Variants in DNAH7 observed in about 807,000 individuals in gnomAD.
DNAH7 encodes axonemal beta dynein heavy chain 7.
DNAH7 carries 397 observed loss-of-function variants against 444.6 expected under a neutral mutation model. The ratio of observed to expected loss-of-function variants is 0.89; its 90% confidence interval spans 0.82 to 0.97. DNAH7 has a LOEUF of 0.97. Among genes scored for constraint, DNAH7 ranks in the 50% least tolerant of loss-of-function variants. The probability of loss-of-function intolerance (pLI) is 0.00; values close to 1 mark genes in which losing one functional copy is unlikely to be tolerated. For missense variants in DNAH7, 4,902 were observed against 4,800.8 expected (o/e 1.02, Z -0.62); for synonymous variants, 1,636 against 1,624.4 (o/e 1.01, Z -0.17).
Position 195,754,423 on chromosome 2 carries a change from G to A in DNAH7, c.11678C>T (p.Ala3893Val). 6.2e-7 allele frequency: 1 copy of A among 1,614,004 alleles called. No homozygotes were observed. Among genetic ancestry groups the A allele is most frequent in the Non-Finnish European group, 8.5e-7 (1 of 1,179,958 alleles). The change falls in exon 63 of 65, where the codon GCC becomes GTC. Residue 3893 changes from alanine (A) to valine (V), a missense_variant. Ala to Val is a moderately conservative substitution (Grantham distance 64, BLOSUM62 0). Transcript: ENST00000312428. ...ATCAATAGGAATTGTGTATTTCCTG[G>A]CGTAGTTCTGCTGGGCACCGGTCAG... ...AFLTGAQQNY[A>V]RKYTIPIDLL...
intron 31 of DNAH7, among the ~76,000 whole-genome samples, chr2:195,890,583 G>A (rs1359104308): frequency 6.6e-6 from 1 of 152,134 alleles, no homozygotes; most frequent in Admixed American, 6.5e-5. Context: ...GAGCCAGAGT[G>A]CCTCCATTGT....
chr2:195,875,093 TAC>T (rs1001146491), intron 38 of DNAH7, among the ~76,000 whole-genome samples: 12 of 152,226 alleles, frequency 7.9e-5, no homozygotes, highest in African/African-American at 2.2e-4. Context: ...AAATTTCCTC[TAC>T]ACAGAGATTC....
chr2:195,846,105 T>G (rs552573048), intron 46 of DNAH7, among the ~76,000 whole-genome samples: 1 of 152,190 alleles, frequency 6.6e-6, no homozygotes. Flanking sequence ...TTGCAAACTA[T>G]GCATCTGACA....
chr2:195,911,234 T>C (rs1273787458), intron 24 of DNAH7, among the ~76,000 whole-genome samples: 2 of 152,082 alleles, frequency 1.3e-5, no homozygotes, highest in African/African-American at 4.8e-5. Context: ...TATAAAGCAA[T>C]AGACATCAAA....
At chr2:195,941,985 G>T (rs572621126) in intron 19 of DNAH7, among the ~76,000 whole-genome samples, 47 of 152,112 alleles carry the variant, frequency 3.1e-4, no homozygotes, top group African/African-American at 1.1e-3. Flanking sequence ...TTTACCAAGG[G>T]CTAATACACG....
chr2:195,994,709 G>C (rs984871799), intron 12 of DNAH7: 7 of 497,572 alleles, frequency 1.4e-5, no homozygotes, highest in Non-Finnish European at 2.8e-5. Flanking sequence ...ATAACCATTT[G>C]GTCTTTAAGA....
chr2:195,926,863 T>A (rs1163788765), intron 21 of DNAH7, among the ~76,000 whole-genome samples: 1 of 152,080 alleles, frequency 6.6e-6, no homozygotes, highest in Non-Finnish European at 1.5e-5. Context: ...ACATCCTAGA[T>A]ACATTTGGAT....
At chr2:195,748,369 A>G (rs1693558247) in intron 63 of DNAH7, among the ~76,000 whole-genome samples, 1 of 152,228 alleles carries the variant, frequency 6.6e-6, no homozygotes, top group South Asian at 2.1e-4. Context: ...TTCCATGCTC[A>G]TGGGTAGGAA....
intron 19 of DNAH7, among the ~76,000 whole-genome samples, chr2:195,939,404 A>G (rs1218022975): frequency 6.6e-6 from 1 of 152,150 alleles, no homozygotes; most frequent in Non-Finnish European, 1.5e-5. Context: ...TCACCATTCC[A>G]TGTTGAGTGC....
intron 1 of DNAH7, among the ~76,000 whole-genome samples, chr2:196,061,470 A>C (rs1698130350): frequency 6.6e-6 from 1 of 152,138 alleles, no homozygotes; most frequent in Non-Finnish European, 1.5e-5. Flanking sequence ...CCCTACCAGA[A>C]CTTCCCCATA....
At chr2:195,805,012 T>C (rs1456680012) in intron 54 of DNAH7, among the ~76,000 whole-genome samples, 1 of 151,826 alleles carries the variant, frequency 6.6e-6, no homozygotes, top group African/African-American at 2.4e-5. Context: ...AACCAACCTG[T>C]CCCCCACCAA....
At chr2:195,780,586 T>C (rs961245780) in intron 58 of DNAH7, among the ~76,000 whole-genome samples, 4 of 151,858 alleles carry the variant, frequency 2.6e-5, no homozygotes, top group Non-Finnish European at 5.9e-5. Flanking sequence ...CCATCTCTAC[T>C]AAAAATACAA....
chr2:195,793,397 C>CTACATTTG (rs1418780333), intron 57 of DNAH7, among the ~76,000 whole-genome samples: 1 of 152,196 alleles, frequency 6.6e-6, no homozygotes, highest in Middle Eastern at 3.2e-3. Flanking sequence ...ATGTAGGTGA[C>CTACATTTG]TACTGCTGGA....
rs1210971339 is a variant in DNAH7 at position 195,737,763 on chromosome 2, A to ATATT, written c.*154_*157dup. 2 of 625,074 alleles carry ATATT rather than the reference A, an allele frequency of 3.2e-6. No homozygotes were observed. Among genetic ancestry groups the ATATT allele is most frequent in the African/African-American group, 3.7e-5 (2 of 54,362 alleles). The allele number at this position is 625,074 out of a possible 1,614,324, so 38.7% of individuals were successfully genotyped here. A position where few individuals can be genotyped will look rare whatever the true frequency, so the allele number is the denominator to read the frequency against. On this transcript the variant is annotated 3_prime_UTR_variant, in exon 65 of 65. Coordinates refer to ENST00000312428, the MANE Select transcript of DNAH7 (RefSeq NM_018897.3). ...ATTTCCTTACATTTAAGTATGAGTCATATTAAGTTTAGCTGCATTTGCTCA... is the reference window on the plus strand; with the variant it reads ...ATTTCCTTACATTTAAGTATGAGTCATATTTATTAAGTTTAGCTGCATTTGCTCA...
Position 195,740,860 on chromosome 2 carries a change from A to C in DNAH7, c.11774T>G (p.Ile3925Ser). 2 of 1,545,708 alleles carry C rather than the reference A, an allele frequency of 1.3e-6. No individual in the cohort carries two copies. Among genetic ancestry groups the C allele is most frequent in the Non-Finnish European group, 1.7e-6 (2 of 1,145,980 alleles). Reference protein sequence around the residue: ...YKHPPEDGVFIHGLFLDGASW... With the variant: ...YKHPPEDGVFSHGLFLDGASW... Reference sequence around the variant, plus strand: ...AGCTCCATCCAGAAATAATCCGTGAATGAAAACACCTAAATATAAAAGAAA... The same window carrying C: ...AGCTCCATCCAGAAATAATCCGTGACTGAAAACACCTAAATATAAAAGAAA... The change falls in exon 64 of 65, where the codon ATT becomes AGT. Residue 3925 changes from isoleucine (I) to serine (S), a missense_variant. Transcript: ENST00000312428.
chr2:195,764,340 T>G (rs564905249), intron 61 of DNAH7, among the ~76,000 whole-genome samples: 13 of 152,236 alleles, frequency 8.5e-5, no homozygotes, highest in African/African-American at 3.1e-4. Flanking sequence ...ATAACAAGGA[T>G]GTCCACTTTC....
At chr2:195,925,553 T>C (rs144273283) in intron 22 of DNAH7, among the ~76,000 whole-genome samples, 133 of 152,310 alleles carry the variant, frequency 8.7e-4, no homozygotes, top group African/African-American at 2.7e-3. Flanking sequence ...CTTGACTTCC[T>C]GTTTTACACC....
intron 47 of DNAH7, among the ~76,000 whole-genome samples, chr2:195,843,597 A>G (rs1187721759): frequency 6.6e-6 from 1 of 152,154 alleles, no homozygotes; most frequent in Non-Finnish European, 1.5e-5. Flanking sequence ...GCTTGTCTCA[A>G]ATTCTAACAG....
intron 24 of DNAH7, among the ~76,000 whole-genome samples, chr2:195,914,248 T>C (rs1337921802): frequency 6.6e-6 from 1 of 152,254 alleles, no homozygotes; most frequent in Non-Finnish European, 1.5e-5. Flanking sequence ...ACTACTAAAG[T>C]ATGTGGTATA....
Sources: gnomAD v4.1 joint callset for allele counts (sites outside exome capture counted in the v4.1 genomes callset) on GRCh38, gnomAD v4.1.1 for gene constraint, MANE v1.5 for transcripts, NCBI Gene and HGNC (gene_info 2026-07-23, HGNC 2026-07-21) for gene names.